IGFN1: variants seen among roughly 807,000 people sequenced by gnomAD.
IGFN1 encodes immunoglobulin-like and fibronectin type III domain-containing protein 1.
Under a neutral mutation model 289.5 loss-of-function variants are expected in IGFN1, and 253 were observed. The observed-to-expected ratio is 0.87, with a 90% confidence interval of 0.79 to 0.97. IGFN1 has a LOEUF of 0.97. Among genes scored for constraint, IGFN1 ranks in the 50% least tolerant of loss-of-function variants. The pLI, the probability that IGFN1 is intolerant of heterozygous loss-of-function variation, is 0.00. For synonymous variants in IGFN1, 1,706 were observed against 1,788.5 expected (o/e 0.95, Z 1.16); for missense variants, 4,470 against 4,686.1 (o/e 0.95, Z 1.35).
chr1:201,208,103 G>A lies in IGFN1; in HGVS notation c.3210G>A (p.Gly1070=), dbSNP rs978616213. Residue 1070 remains glycine, a synonymous_variant, in exon 12 of 24, where the codon GGG becomes GGA. Coordinates refer to ENST00000335211, the MANE Select transcript of IGFN1 (RefSeq NM_001164586.2). The part of the protein sequence containing the change: ...ACQAGMDPRG[G]HHSDGGLGSP... ...AGGCAGGCATGGACCCTAGGGGAGG[G>A]CACCATTCAGATGGTGGCCTAGGGA... The A allele has an allele frequency of 1.0e-5, 16 of 1,536,888 alleles. No individual in the cohort carries two copies. The East Asian group carries it at 2.7e-4, about 26-fold the overall frequency.
chr1:201,212,074 T>TGACACAC lies in IGFN1; in HGVS notation c.7181_7182insGACACAC (p.Ala2395ThrfsTer7), dbSNP rs1292517153. The TGACACAC allele has an allele frequency of 3.3e-6, 5 of 1,536,226 alleles. No individual in the cohort carries two copies. Among genetic ancestry groups the TGACACAC allele is most frequent in the Middle Eastern group, 1.7e-4 (1 of 5,986 alleles). On this transcript the variant is annotated frameshift_variant, in exon 12 of 24. Coordinates refer to ENST00000335211, the MANE Select transcript of IGFN1 (RefSeq NM_001164586.2). LOFTEE classifies it high-confidence loss of function. Reference sequence around the variant, plus strand: ...ATGGGTCACAGGTCAGGATATTGGGTAGCATCAGAGGGTGACACGAACTCC... The same window carrying TGACACAC: ...ATGGGTCACAGGTCAGGATATTGGGTGACACACAGCATCAGAGGGTGACACGAACTCC...
rs1245182981 is a variant in IGFN1 at position 201,216,740 on chromosome 1, G to A, written c.9582G>A (p.Leu3194=). ...AGGCCCTGGAGTCTGAGGAGATATTGGTGGCTCCTGAGGGTGAGAGAAAAG... is the reference window on the plus strand; with the variant it reads ...AGGCCCTGGAGTCTGAGGAGATATTAGTGGCTCCTGAGGGTGAGAGAAAAG... ...AGEALESEEI[L]VAPEALPKAP... Residue 3194 remains leucine, a synonymous_variant, in exon 16 of 24, where the codon TTG becomes TTA. Transcript: ENST00000335211. 3 of 1,606,532 alleles carry A rather than the reference G, an allele frequency of 1.9e-6. No individual in the cohort carries two copies. Among genetic ancestry groups the A allele is most frequent in the African/African-American group, 2.7e-5 (2 of 74,680 alleles).
chr1:201,208,090 A>G lies in IGFN1; in HGVS notation c.3197A>G (p.Asp1066Gly). 6.5e-7 allele frequency: 1 copy of G among 1,536,892 alleles called. No homozygotes were observed. Among genetic ancestry groups the G allele is most frequent in the East Asian group, 2.4e-5 (1 of 40,880 alleles). ...GCCTCTGCATGCCAGGCAGGCATGG[A>G]CCCTAGGGGAGGGCACCATTCAGAT... Reference protein sequence around the residue: ...NWASACQAGMDPRGGHHSDGG... With the variant: ...NWASACQAGMGPRGGHHSDGG... Residue 1066 changes from aspartate (D) to glycine (G), a missense_variant, in exon 12 of 24, where the codon GAC (aspartate) becomes GGC (glycine). Asp to Gly is a moderately conservative substitution (Grantham distance 94, BLOSUM62 -1). Coordinates refer to ENST00000335211, the MANE Select transcript of IGFN1 (RefSeq NM_001164586.2).
In IGFN1 at chr1:201,205,216, A is replaced by G; in HGVS notation, c.1051A>G (p.Ser351Gly). The G allele has an allele frequency of 1.3e-6, 2 of 1,551,096 alleles. No individual in the cohort carries two copies. Among genetic ancestry groups the G allele is most frequent in the Non-Finnish European group, 1.7e-6 (2 of 1,146,966 alleles). The part of the protein sequence containing the change: ...WHFRHRLLHP[S>G]DKYEVYVSPD... The stretch of plus-strand genomic sequence containing the variant: ...TTTCCGGCACCGGCTACTCCACCCC[A>G]GTGACAAATATGAAGTGTATGTGTC... Residue 351 changes from serine (S) to glycine (G), a missense_variant, in exon 11 of 24, where the codon AGT becomes GGT. Ser to Gly is a moderately conservative substitution (Grantham distance 56). This residue lies in a region of IGFN1 where 2,011 missense variants were observed against 1,953.4 expected (regional missense o/e 1.03). Coordinates refer to ENST00000335211, the MANE Select transcript of IGFN1 (RefSeq NM_001164586.2).
At chr1:201,214,647 C>T (rs570016646) in intron 13 of IGFN1, among the ~76,000 whole-genome samples, 50 of 152,254 alleles carry the variant, frequency 3.3e-4, no homozygotes, top group African/African-American at 1.1e-3. Context: ...CCTGCACAAT[C>T]CTCTGTCCTC....
chr1:201,228,438 T>C lies in IGFN1; in HGVS notation c.*39T>C, dbSNP rs565612295. 2.5e-6 allele frequency: 4 copies of C among 1,609,334 alleles called. No homozygotes were observed. The highest frequency in any genetic ancestry group is 3.3e-4 in the Middle Eastern group (2 of 6,054). On this transcript the variant is annotated 3_prime_UTR_variant, in exon 24 of 24. Coordinates refer to ENST00000335211, the MANE Select transcript of IGFN1 (RefSeq NM_001164586.2). Reference sequence around the variant, plus strand: ...TGGGATGGTCCTGGACCCTTGAAGCTTCACTTCCGACACCTGCACTGGCCC... The same window carrying C: ...TGGGATGGTCCTGGACCCTTGAAGCCTCACTTCCGACACCTGCACTGGCCC...
At chr1:201,194,974 C>T (rs1315502850) in intron 3 of IGFN1, among the ~76,000 whole-genome samples, 1 of 152,026 alleles carries the variant, frequency 6.6e-6, no homozygotes, top group Non-Finnish European at 1.5e-5. Context: ...CTGAGGGATT[C>T]CTTGAGGGCG....
Position 201,213,054 on chromosome 1 carries a change from T to A in IGFN1, c.8161T>A (p.Trp2721Arg). Residue 2721 changes from tryptophan (W) to arginine (R), a missense_variant, in exon 12 of 24, where the codon TGG (tryptophan) becomes AGG (arginine). By Grantham distance (101) the Trp-to-Arg change is moderately radical. This residue lies in a region of IGFN1 where 2,218 missense variants were observed against 2,114.1 expected (regional missense o/e 1.05). Transcript: ENST00000335211. ...GILGKGNSTE[W>R]GNALTPKPGE... ...CCTGGGCAAGGGGAATTCTACTGAG[T>A]GGGGGAATGCCCTCACCCCAAAACC... 2 of 1,551,224 alleles carry A rather than the reference T, an allele frequency of 1.3e-6. No individual in the cohort carries two copies. Among genetic ancestry groups the A allele is most frequent in the Non-Finnish European group, 1.7e-6 (2 of 1,146,832 alleles).
chr1:201,203,942 A>T, intron 10 of IGFN1, 36 bp downstream of exon 10: 1 of 1,523,336 alleles, frequency 6.6e-7, no homozygotes, highest in Non-Finnish European at 8.9e-7. Context: ...GGAGTTGGGG[A>T]GATATGTTAG....
intron 10 of IGFN1, among the ~76,000 whole-genome samples, chr1:201,204,830 A>T (rs184463517): frequency 5.3e-5 from 8 of 152,314 alleles, no homozygotes; most frequent in Admixed American, 3.3e-4. Context: ...CCTTGTCCCT[A>T]AATATAACTT....
At chr1:201,216,064 CT>C in intron 15 of IGFN1, 1 of 714,256 alleles carries the variant, frequency 1.4e-6, no homozygotes, top group Non-Finnish European at 2.6e-6. Context: ...GCCGGTTATG[CT>C]TCTCTGACCC....
In IGFN1 at chr1:201,226,086, G is replaced by C. The variant is rs373155292; in HGVS notation, c.10749G>C (p.Ser3583=). 1.2e-6 allele frequency: 2 copies of C among 1,603,876 alleles called. No homozygotes were observed. Among genetic ancestry groups the C allele is most frequent in the Non-Finnish European group, 1.7e-6 (2 of 1,174,016 alleles). The change falls in exon 22 of 24, where the codon TCG becomes TCC. Residue 3583 remains serine (S), a synonymous_variant. Transcript: ENST00000335211. ...AKNELGASKP[S]DTSQPWCIPR... is the part of the protein sequence containing the mutation. ...ATGAGCTGGGGGCCAGCAAACCCTC[G>C]GACACCAGCCAGCCCTGGTGCATCC...
At position 201,205,074 on chromosome 1, in the gene IGFN1, C is replaced by T; in HGVS notation, c.917-8C>T. 6.5e-7 allele frequency: 1 copy of T among 1,534,780 alleles called. No homozygotes were observed. The highest frequency in any genetic ancestry group is 2.5e-5 in the East Asian group (1 of 40,580). On this transcript the variant is annotated splice_polypyrimidine_tract_variant and splice_region_variant and intron_variant, in intron 10 of 23. Coordinates refer to ENST00000335211, the MANE Select transcript of IGFN1 (RefSeq NM_001164586.2). ...AAGCTGATATCCCCATTCCTATTTC[C>T]CCGGCAGCCATCCCCCCAAGAGTGG...
chr1:201,205,255 A>AC lies in IGFN1; in HGVS notation c.1093dup (p.His365ProfsTer32), dbSNP rs1459821470. The stretch of plus-strand genomic sequence containing the variant: ...AGTGTATGTGTCCCCTGACGGGCTG[A>AC]CCCACCGGCTGGTGGTGAGGGGGGC... On this transcript the variant is annotated frameshift_variant, in exon 11 of 24. Transcript: ENST00000335211. LOFTEE classifies it high-confidence loss of function. 1 of 1,550,910 alleles carries AC rather than the reference A, an allele frequency of 6.4e-7. No individual in the cohort carries two copies.
Position 201,224,709 on chromosome 1 carries a change from A to G in IGFN1, c.10321A>G (p.Lys3441Glu). 6.2e-7 allele frequency: 1 copy of G among 1,614,156 alleles called. No homozygotes were observed. The highest frequency in any genetic ancestry group is 8.5e-7 in the Non-Finnish European group (1 of 1,180,022). The change falls in exon 21 of 24, where the codon AAG becomes GAG. Residue 3441 changes from lysine to glutamate, a missense_variant. By Grantham distance (56) the Lys-to-Glu change is moderately conservative (BLOSUM62 1). Transcript: ENST00000335211. ...AMPMPEVTWL[K>E]DGLPLPKRSV... ...GCCCATGCCTGAGGTGACCTGGCTG[A>G]AGGATGGCTTGCCCTTGCCCAAAAG...
At chr1:201,202,030 T>A (rs1667188537) in intron 9 of IGFN1, among the ~76,000 whole-genome samples, 198 bp downstream of exon 9, 1 of 152,128 alleles carries the variant, frequency 6.6e-6, no homozygotes, top group South Asian at 2.1e-4. Context: ...GGACTTCTTA[T>A]CTCACACTGA....
chr1:201,215,542 C>T lies in IGFN1; in HGVS notation c.8999C>T (p.Ser3000Phe), dbSNP rs140979369. The T allele has an allele frequency of 1.0e-4, 161 of 1,561,800 alleles. 1 individual carries two copies. In the African/African-American group the frequency reaches 2.0e-3, roughly 19 times the overall value. The change falls in exon 15 of 24, where the codon TCC (serine) becomes TTC (phenylalanine). Residue 3000 changes from serine to phenylalanine, a missense_variant. Ser to Phe is a radical substitution (Grantham distance 155). Around this residue, in one of 8 missense-constraint regions of IGFN1, gnomAD observed 2,218 missense variants for 2,114.1 expected, o/e 1.05. Coordinates refer to ENST00000335211, the MANE Select transcript of IGFN1 (RefSeq NM_001164586.2). ...GACTCTCTTGTTTTATTTCTAGATT[C>T]CCCTACCATTGCTCCAGATGTGACA... ...QSEATLTVQD[S>F]PTIAPDVTEK...
Position 201,211,619 on chromosome 1 carries a change from G to A in IGFN1, c.6726G>A (p.Met2242Ile), listed in dbSNP as rs1016772728. 25 of 1,535,552 alleles carry A rather than the reference G, an allele frequency of 1.6e-5. No homozygotes were observed. The Admixed American group carries it at 2.4e-4, about 15-fold the overall frequency. ...FRDGLGSSGE[M>I]GSMDEADYRK... is the part of the protein sequence containing the mutation. ...ATGGTTTAGGGAGTTCTGGGGAAAT[G>A]GGGTCAATGGATGAGGCAGATTATA... The change falls in exon 12 of 24, where the codon ATG becomes ATA. Residue 2242 changes from methionine to isoleucine, a missense_variant. Transcript: ENST00000335211.
rs1433991280 is a variant in IGFN1 at position 201,226,077 on chromosome 1, C to G, written c.10740C>G (p.Ser3580Arg). 1.2e-6 allele frequency: 2 copies of G among 1,603,548 alleles called. No homozygotes were observed. Among genetic ancestry groups the G allele is most frequent in the South Asian group, 2.2e-5 (2 of 89,888 alleles). Residue 3580 changes from serine (S) to arginine (R), a missense_variant, in exon 22 of 24, where the codon AGC becomes AGG. By Grantham distance (110) the Ser-to-Arg change is moderately radical. This residue lies in a region of IGFN1 where 2,218 missense variants were observed against 2,114.1 expected (regional missense o/e 1.05). Coordinates refer to ENST00000335211, the MANE Select transcript of IGFN1 (RefSeq NM_001164586.2). The stretch of plus-strand genomic sequence containing the variant: ...TGGCCAAGAATGAGCTGGGGGCCAG[C>G]AAACCCTCGGACACCAGCCAGCCCT... ...RVVAKNELGASKPSDTSQPWC... is the reference protein window; with the variant it reads ...RVVAKNELGARKPSDTSQPWC...
Sources: gnomAD v4.1 joint callset for allele counts (sites outside exome capture counted in the v4.1 genomes callset) on GRCh38, gnomAD v4.1.1 for gene constraint, gnomAD v4.1.1 regional missense constraint, MANE v1.5 for transcripts, NCBI Gene and HGNC (gene_info 2026-07-23, HGNC 2026-07-21) for gene names.